The following ASAP1 variants were observed in gnomAD, a reference collection of about 807,000 sequenced individuals.
The protein encoded by ASAP1 is ArfGAP with SH3 domain, ankyrin repeat and PH domain 1, also known as arf-GAP with SH3 domain, ANK repeat and PH domain-containing protein 1.
A neutral mutation model predicts 145.2 loss-of-function variants in ASAP1; 43 were observed. The observed-to-expected ratio is 0.30, with a 90% CI of 0.23 to 0.38. The LOEUF is 0.38. ASAP1 is among the 10% of genes least tolerant of loss of function. The probability of loss-of-function intolerance (pLI) is 1.00; values close to 1 mark genes in which losing one functional copy is unlikely to be tolerated. For synonymous variants in ASAP1, 546 were observed against 515.5 expected, an observed-to-expected ratio of 1.06 and a Z score of -0.80; for missense variants, 1,018 against 1,355.3, an observed-to-expected ratio of 0.75 and a Z score of 3.91.
At chr8:130,069,961 G>C (rs1326878509) in intron 27 of ASAP1, among the ~76,000 whole-genome samples, 1 of 152,186 alleles carries the variant, frequency 6.6e-6, no homozygotes, top group Admixed American at 6.5e-5. Context: ...CCTGAAACTA[G>C]AATATAAAAA....
intron 1 of ASAP1, among the ~76,000 whole-genome samples, chr8:130,425,092 A>G (rs965650595): frequency 6.6e-6 from 1 of 152,136 alleles, no homozygotes; most frequent in Non-Finnish European, 1.5e-5. Flanking sequence ...ACACTTTGAG[A>G]GGCCGAAGTG....
rs1818000886 is a variant in ASAP1 at position 130,233,011 on chromosome 8, T to C, written c.259+3911A>G. On this transcript the variant is annotated intron_variant, in intron 4 of 29. Coordinates refer to ENST00000518721, the MANE Select transcript of ASAP1 (RefSeq NM_018482.4). ...ATGCAACACCACTGTTTTACTCATT[T>C]AGTCATTTTTAAAGAATTAAATGTC... Among the ~76,000 whole-genome samples, 3 of 152,224 alleles carry C rather than the reference T, an allele frequency of 2.0e-5. No homozygotes were observed. The South Asian group carries it at 6.2e-4, about 31-fold the overall frequency.
rs138325311 is a variant in ASAP1 at position 130,289,058 on chromosome 8, C to T, written c.187-52064G>A. ...AAAATTAGCTGGGCGTGGTGGCACA[C>T]GCCTGTAGTCCCAGGTACTCGGGAA... is the stretch of plus-strand genomic sequence containing the variant. On this transcript the variant is annotated intron_variant, in intron 3 of 29. Coordinates refer to ENST00000518721, the MANE Select transcript of ASAP1 (RefSeq NM_018482.4). 8.3e-3 allele frequency among the ~76,000 whole-genome samples: 1,263 copies of T among 152,192 alleles called. 19 individuals carry two copies. Among genetic ancestry groups the T allele is most frequent in the African/African-American group, 0.029 (1,210 of 41,538 alleles).
At chr8:130,176,688 G>GTTT (rs11324057) in intron 9 of ASAP1, among the ~76,000 whole-genome samples, 1 of 143,394 alleles carries the variant, frequency 7.0e-6, no homozygotes, top group Non-Finnish European at 1.5e-5. Flanking sequence ...CTCTCTTCCT[G>GTTT]TTTTTTTTTT....
Position 130,411,553 on chromosome 8 carries a change from A to C in ASAP1, c.-27-9583T>G, listed in dbSNP as rs949300068. On this transcript the variant is annotated intron_variant, in intron 1 of 29. Transcript: ENST00000518721. ...GTTTCCTTGGATCACCTCCCAAAGA[A>C]ACTATGCATGCTCCAATATTTTCTC... Among the ~76,000 whole-genome samples the C allele has an allele frequency of 3.9e-5, 6 of 152,158 alleles. No individual in the cohort carries two copies. In the South Asian group the frequency reaches 6.2e-4, roughly 16 times the overall value.
chr8:130,416,236 C>T (rs1465229248), intron 1 of ASAP1, among the ~76,000 whole-genome samples: 2 of 152,114 alleles, frequency 1.3e-5, no homozygotes, highest in African/African-American at 4.8e-5. Flanking sequence ...GAATGGAAGG[C>T]CCTTGAAAAA....
intron 3 of ASAP1, among the ~76,000 whole-genome samples, chr8:130,347,562 C>T (rs540945489): frequency 3.5e-4 from 54 of 152,320 alleles, no homozygotes; most frequent in African/African-American, 1.0e-3. Flanking sequence ...TGGGTATAAA[C>T]GGTGTGCTTC....
intron 24 of ASAP1, among the ~76,000 whole-genome samples, chr8:130,093,954 T>A (rs779907653): frequency 2.0e-5 from 3 of 152,156 alleles, no homozygotes; most frequent in Non-Finnish European, 4.4e-5. Context: ...AAAATTATCA[T>A]CTGCTTTAGG....
At chr8:130,194,201 A>G (rs1377082661) in intron 5 of ASAP1, among the ~76,000 whole-genome samples, 1 of 152,222 alleles carries the variant, frequency 6.6e-6, no homozygotes, top group South Asian at 2.1e-4. Flanking sequence ...TAAATTTACA[A>G]AGTCTTTCCA....
At chr8:130,291,047 C>A (rs1430753628) in intron 3 of ASAP1, among the ~76,000 whole-genome samples, 1 of 152,158 alleles carries the variant, frequency 6.6e-6, no homozygotes, top group African/African-American at 2.4e-5. Flanking sequence ...TTCAGGAATC[C>A]AGTTATCTTG....
chr8:130,162,157 TA>T (rs1317805522), intron 11 of ASAP1, among the ~76,000 whole-genome samples: 14 of 152,316 alleles, frequency 9.2e-5, no homozygotes, highest in African/African-American at 3.4e-4. Context: ...TGTGGTTCAC[TA>T]AGTCCTCCCT....
chr8:130,119,990 A>C (rs2097563018), intron 18 of ASAP1, among the ~76,000 whole-genome samples: 1 of 152,204 alleles, frequency 6.6e-6, no homozygotes, highest in South Asian at 2.1e-4. Context: ...ACAGTCAGGC[A>C]ACACAGTTTA....
chr8:130,332,851 T>A (rs56241132), intron 3 of ASAP1, among the ~76,000 whole-genome samples: 3,978 of 151,798 alleles, frequency 0.026, 64 homozygotes, highest in Middle Eastern at 0.044. Flanking sequence ...TTTATTTTTG[T>A]AAAAAAAATT....
intron 18 of ASAP1, among the ~76,000 whole-genome samples, chr8:130,121,784 C>CAAAAAAAAAAAAAA (rs56996962): frequency 2.0e-4 from 5 of 25,408 alleles, no homozygotes; most frequent in African/African-American, 2.6e-4. Context: ...AATTCCATCT[C>CAAAAAAAAAAAAAA]AAAAAAAAAA....
chr8:130,074,391 CT>C (rs1263215402), intron 27 of ASAP1, among the ~76,000 whole-genome samples: 1 of 148,946 alleles, frequency 6.7e-6, no homozygotes, highest in Non-Finnish European at 1.5e-5. Flanking sequence ...TATTCTGTGT[CT>C]TTTTTTGTAT....
chr8:130,080,182 G>A (rs1173320368), intron 25 of ASAP1, among the ~76,000 whole-genome samples: 1 of 152,188 alleles, frequency 6.6e-6, no homozygotes. Context: ...GTAAAGGAGT[G>A]TATCAAAGAG....
intron 3 of ASAP1, among the ~76,000 whole-genome samples, chr8:130,258,192 G>C (rs1195643255): frequency 1.3e-5 from 2 of 152,110 alleles, no homozygotes; most frequent in Non-Finnish European, 2.9e-5. Flanking sequence ...CTCCATAATG[G>C]AAGACGTTAG....
At chr8:130,368,961 T>G (rs1269793394) in intron 2 of ASAP1, among the ~76,000 whole-genome samples, 1 of 152,190 alleles carries the variant, frequency 6.6e-6, no homozygotes, top group East Asian at 1.9e-4. Context: ...TTTCCTGGGT[T>G]CCAGTACCAT....
intron 2 of ASAP1, among the ~76,000 whole-genome samples, chr8:130,372,891 T>C (rs1353446556): frequency 1.3e-5 from 2 of 152,070 alleles, no homozygotes; most frequent in Non-Finnish European, 2.9e-5. Flanking sequence ...TATGGACACA[T>C]GGACACATAC....
Sources: allele counts gnomAD v4.1 joint callset (sites outside exome capture counted in the v4.1 genomes callset), GRCh38; gene constraint gnomAD v4.1.1; transcripts MANE v1.5; gene names NCBI Gene and HGNC (gene_info 2026-07-23, HGNC 2026-07-21).